The following ZNF462 variants were observed in gnomAD, a reference collection of about 807,000 sequenced individuals.
The protein encoded by ZNF462 is zinc finger protein 462, also known as zinc finger PBX1-interacting protein.
Under a neutral mutation model 201.9 loss-of-function variants are expected in ZNF462, and 10 were observed. That is an observed-to-expected ratio of 0.05 (90% confidence interval 0.03 to 0.08). The LOEUF (loss-of-function observed/expected upper bound fraction) is 0.08. Ranked by LOEUF, ZNF462 falls within the 10% of genes least tolerant of loss-of-function variation. The pLI is 1.00. For missense variants in ZNF462, 2,523 were observed against 3,168.3 expected (o/e 0.80, Z 4.89); for synonymous variants, 1,227 against 1,193.3 (o/e 1.03, Z -0.58).
chr9:106,995,222 G>A lies in ZNF462; in HGVS notation c.7057-8072G>A, dbSNP rs563333439. ...AATAAGTGATTTTGTCTGGACTTTT[G>A]CTAAGTTAGGTATGATGGAAATATG... is the stretch of plus-strand genomic sequence containing the variant. On this transcript the variant is annotated intron_variant, in intron 10 of 12. Coordinates refer to ENST00000277225, the MANE Select transcript of ZNF462 (RefSeq NM_021224.6). 2.4e-3 allele frequency among the ~76,000 whole-genome samples: 372 copies of A among 152,156 alleles called. 1 individual carries two copies. The highest frequency in any genetic ancestry group is 8.0e-3 in the African/African-American group (331 of 41,520).
chr9:106,870,031 A>C lies in ZNF462; in HGVS notation c.-31+6676A>C, dbSNP rs1261429606. 6.6e-6 allele frequency among the ~76,000 whole-genome samples: 1 copy of C among 152,172 alleles called. No homozygotes were observed. Among genetic ancestry groups the C allele is most frequent in the Non-Finnish European group, 1.5e-5 (1 of 68,028 alleles). ...GCTTGGAAATGCTATCATAAAATTT[A>C]TCTTTTTTCTAAGTCCTCCTATTCT... On this transcript the variant is annotated intron_variant, in intron 1 of 12. Coordinates refer to ENST00000277225, the MANE Select transcript of ZNF462 (RefSeq NM_021224.6). The surrounding 1 kb of genome is among the most constrained non-coding windows in gnomAD (Gnocchi z 4.3).
At chr9:106,909,072 C>T (rs553724032) in intron 1 of ZNF462, among the ~76,000 whole-genome samples, 8 of 145,726 alleles carry the variant, frequency 5.5e-5, no homozygotes, top group East Asian at 2.2e-4. Flanking sequence ...AAGCAATTCT[C>T]CTGTCTCAGC....
In ZNF462 at chr9:106,928,276, G is replaced by T. The variant is rs1298761908; in HGVS notation, c.4364G>T (p.Ser1455Ile). 6.2e-7 allele frequency: 1 copy of T among 1,613,430 alleles called. No individual in the cohort carries two copies. Among genetic ancestry groups the T allele is most frequent in the South Asian group, 1.1e-5 (1 of 91,004 alleles). The change falls in exon 3 of 13, where the codon AGC (serine) becomes ATC (isoleucine). Residue 1455 changes from serine (S) to isoleucine (I), a missense_variant. Physicochemically the swap from Ser to Ile is moderately radical, Grantham distance 142 (BLOSUM62 -2). This residue lies in a region of ZNF462 where 165 missense variants were observed against 142.6 expected (regional missense o/e 1.16). Transcript: ENST00000277225. This position sits in a 1 kb window ranked among gnomAD's most constrained non-coding sequence, Gnocchi z 9.3. Reference sequence around the variant, plus strand: ...GATGCAAGACTGTCCCCTGAGAAAAGCCTGCAGCTAGCTTCAGCCAACCCC... The same window carrying T: ...GATGCAAGACTGTCCCCTGAGAAAATCCTGCAGCTAGCTTCAGCCAACCCC... Reference protein sequence around the residue: ...PEDARLSPEKSLQLASANPAI... With the variant: ...PEDARLSPEKILQLASANPAI...
chr9:106,985,809 T>A (rs1827793815), intron 10 of ZNF462, among the ~76,000 whole-genome samples: 1 of 152,158 alleles, frequency 6.6e-6, no homozygotes, highest in African/African-American at 2.4e-5. Flanking sequence ...AGGCTGAGCT[T>A]TGTCACCTGT....
At chr9:106,887,643 T>C (rs1828379864) in intron 1 of ZNF462, among the ~76,000 whole-genome samples, 1 of 152,232 alleles carries the variant, frequency 6.6e-6, no homozygotes, top group South Asian at 2.1e-4. Context: ...TCTTGAAAGC[T>C]AAACCCACAT....
At position 106,925,434 on chromosome 9, in the gene ZNF462, A is replaced by G; in HGVS notation, c.1522A>G (p.Ser508Gly). 4 of 1,614,200 alleles carry G rather than the reference A, an allele frequency of 2.5e-6. No individual in the cohort carries two copies. The highest frequency in any genetic ancestry group is 3.4e-6 in the Non-Finnish European group (4 of 1,180,036). ...GGATGCTGTGAATTCCCAGAGTGAA[A>G]GCATTTCTTCCTCACTGAATGAAGG... is the stretch of plus-strand genomic sequence containing the variant. ...DWDAVNSQSE[S>G]ISSSLNEGVV... Residue 508 changes from serine (S) to glycine (G), a missense_variant, in exon 3 of 13, where the codon AGC (serine) becomes GGC (glycine). Transcript: ENST00000277225. The surrounding 1 kb of genome is among the most constrained non-coding windows in gnomAD (Gnocchi z 7.9).
Position 107,010,451 on chromosome 9 carries a change from CT to C in ZNF462, c.7314-371del, listed in dbSNP as rs1829867977. On this transcript the variant is annotated intron_variant, in intron 12 of 12. Coordinates refer to ENST00000277225, the MANE Select transcript of ZNF462 (RefSeq NM_021224.6). The surrounding 1 kb of genome is among the most constrained non-coding windows in gnomAD (Gnocchi z 4.6). ...ATAAATATAACCAATCTCCAAGCTT[CT>C]GGGTTCAGCCGATGACTCTGAGCAT... Among the ~76,000 whole-genome samples the C allele has an allele frequency of 6.6e-6, 1 of 152,158 alleles. No homozygotes were observed. Among genetic ancestry groups the C allele is most frequent in the South Asian group, 2.1e-4 (1 of 4,830 alleles).
At chr9:106,991,136 T>C (rs1337954502) in intron 10 of ZNF462, among the ~76,000 whole-genome samples, 3 of 151,982 alleles carry the variant, frequency 2.0e-5, no homozygotes, top group Non-Finnish European at 4.4e-5. Context: ...TTATAGACAA[T>C]TTGATTTTTA....
Position 107,013,490 on chromosome 9 carries a change from G to A in ZNF462, c.*2460G>A, listed in dbSNP as rs529775863. The A allele has an allele frequency of 1.9e-3, 294 of 152,180 alleles. 2 individuals carry two copies. The highest frequency in any genetic ancestry group is 6.8e-3 in the African/African-American group (282 of 41,532). 9.4% of individuals were successfully genotyped at this position (152,180 alleles called of 1,614,324 possible). ...CAGTGTTTCCCAATACTTCATAAGA[G>A]ATAGGGAGACCCTGAGTCCTTGAAG... On this transcript the variant is annotated 3_prime_UTR_variant, in exon 13 of 13. Transcript: ENST00000277225.
chr9:106,924,226 A>G lies in ZNF462; in HGVS notation c.314A>G (p.Asn105Ser). The change falls in exon 3 of 13, where the codon AAC (asparagine) becomes AGC (serine). Residue 105 changes from asparagine (N) to serine (S), a missense_variant. Physicochemically the swap from Asn to Ser is conservative, Grantham distance 46 (BLOSUM62 1). Around this residue, in one of 15 missense-constraint regions of ZNF462, gnomAD observed 480 missense variants for 544.4 expected, o/e 0.88. Coordinates refer to ENST00000277225, the MANE Select transcript of ZNF462 (RefSeq NM_021224.6). This position sits in a 1 kb window ranked among gnomAD's most constrained non-coding sequence, Gnocchi z 6.2. Reference protein sequence around the residue: ...QHIAANPKPTNKFFQCKFCVR... With the variant: ...QHIAANPKPTSKFFQCKFCVR... ...ATTGCCGCTAATCCCAAACCAACAA[A>G]CAAGTTTTTTCAATGCAAGTTCTGT... 6.2e-7 allele frequency: 1 copy of G among 1,614,122 alleles called. No homozygotes were observed. Among genetic ancestry groups the G allele is most frequent in the Non-Finnish European group, 8.5e-7 (1 of 1,180,034 alleles).
chr9:107,010,723 C>A lies in ZNF462; in HGVS notation c.7314-100C>A. The A allele has an allele frequency of 8.4e-7, 1 of 1,189,362 alleles. No individual in the cohort carries two copies. Among genetic ancestry groups the A allele is most frequent in the Non-Finnish European group, 1.1e-6 (1 of 873,004 alleles). 73.7% of individuals were successfully genotyped at this position (1,189,362 alleles called of 1,614,324 possible). On this transcript the variant is annotated intron_variant, in intron 12 of 12. Transcript: ENST00000277225. This position sits in a 1 kb window ranked among gnomAD's most constrained non-coding sequence, Gnocchi z 4.6. ...GGAAACCCCAAGGCTTTTTGAGGAT[C>A]AGGAAAATAAAGACACTCGAGGGTT...
At position 106,939,081 on chromosome 9, in the gene ZNF462, C is replaced by T. The variant is rs780618561; in HGVS notation, c.6401C>T (p.Pro2134Leu). The T allele has an allele frequency of 2.5e-5, 40 of 1,609,448 alleles. No individual in the cohort carries two copies. The East Asian group carries it at 2.7e-4, about 11-fold the overall frequency. Reference protein sequence around the residue: ...HSHHSSQKATPAEEVEDSNDS... With the variant: ...HSHHSSQKATLAEEVEDSNDS... ...CACCACTCCTCCCAAAAAGCTACCC[C>T]GGCTGAAGAAGTGGAAGACTCCAAT... The change falls in exon 7 of 13, where the codon CCG (proline) becomes CTG (leucine). Residue 2134 changes from proline (P) to leucine (L), a missense_variant. Coordinates refer to ENST00000277225, the MANE Select transcript of ZNF462 (RefSeq NM_021224.6).
intron 1 of ZNF462, among the ~76,000 whole-genome samples, chr9:106,891,547 A>G (rs907852243): frequency 5.9e-5 from 9 of 152,070 alleles, no homozygotes; most frequent in African/African-American, 2.2e-4. Flanking sequence ...AGAGAAAAAT[A>G]TTTTTGGTTC....
intron 1 of ZNF462, among the ~76,000 whole-genome samples, chr9:106,894,527 A>T (rs890996326): frequency 6.6e-6 from 1 of 152,264 alleles, no homozygotes; most frequent in African/African-American, 2.4e-5. Context: ...AGATGTGATT[A>T]GATTAGCTTT....
At position 106,984,456 on chromosome 9, in the gene ZNF462, G is replaced by A. The variant is rs1417868117; in HGVS notation, c.7056+47G>A. 1 of 1,479,248 alleles carries A rather than the reference G, an allele frequency of 6.8e-7. No homozygotes were observed. Among genetic ancestry groups the A allele is most frequent in the Non-Finnish European group, 9.2e-7 (1 of 1,081,550 alleles). The allele number at this position is 1,479,248 out of a possible 1,614,324, so 91.6% of individuals were successfully genotyped here. On this transcript the variant is annotated intron_variant, in intron 10 of 12. Coordinates refer to ENST00000277225, the MANE Select transcript of ZNF462 (RefSeq NM_021224.6). The surrounding 1 kb of genome is among the most constrained non-coding windows in gnomAD (Gnocchi z 6.4). The stretch of plus-strand genomic sequence containing the variant: ...TCCCGCCTCAGCACACTTGTGGGGA[G>A]GGGCCAAGGGGGAGACACCACTGCA...
chr9:106,911,008 G>T (rs1425295574), intron 1 of ZNF462, among the ~76,000 whole-genome samples: 2 of 152,104 alleles, frequency 1.3e-5, no homozygotes, highest in Non-Finnish European at 2.9e-5. Flanking sequence ...CCAACTCTTA[G>T]TATTTTCTAG....
intron 7 of ZNF462, among the ~76,000 whole-genome samples, chr9:106,967,430 T>G (rs371584605): frequency 1.6e-4 from 25 of 152,062 alleles, no homozygotes; most frequent in African/African-American, 6.0e-4. Context: ...TGTTTCATTT[T>G]TTTCTCTAAG....
rs1430322574 is a variant in ZNF462, at chr9:106,935,628, T to C, written c.6235+7T>C. On this transcript the variant is annotated splice_region_variant and intron_variant, in intron 6 of 12. Coordinates refer to ENST00000277225, the MANE Select transcript of ZNF462 (RefSeq NM_021224.6). The surrounding 1 kb of genome is among the most constrained non-coding windows in gnomAD (Gnocchi z 4.1). ...ATACTCAAAGCTCATGCTGGTGAGT[T>C]GTGCATTGATGATGCACAAGTTCTT... is the stretch of plus-strand genomic sequence containing the variant. 1 of 1,608,902 alleles carries C rather than the reference T, an allele frequency of 6.2e-7. No homozygotes were observed. Among genetic ancestry groups the C allele is most frequent in the East Asian group, 2.2e-5 (1 of 44,850 alleles).
At chr9:106,882,486 CAAAG>C (rs2130949819) in intron 1 of ZNF462, among the ~76,000 whole-genome samples, 1 of 152,288 alleles carries the variant, frequency 6.6e-6, no homozygotes, top group African/African-American at 2.4e-5. Context: ...AGTTCTCAAT[CAAAG>C]AAAACTACCC....
Sources: allele counts gnomAD v4.1 joint callset (sites outside exome capture counted in the v4.1 genomes callset), GRCh38; gene constraint gnomAD v4.1.1; regional missense constraint gnomAD v4.1.1; non-coding constraint Gnocchi (gnomAD v3.1); transcripts MANE v1.5; gene names NCBI Gene and HGNC (gene_info 2026-07-23, HGNC 2026-07-21).